Variants in ICA1L observed in about 807,000 individuals in gnomAD.
ICA1L encodes islet cell autoantigen 1 like, also known as islet cell autoantigen 1-like protein.
Under a neutral mutation model 61.3 loss-of-function variants are expected in ICA1L, and 50 were observed. That is an observed-to-expected ratio of 0.82 (90% CI 0.65 to 1.03). The LOEUF (loss-of-function observed/expected upper bound fraction) is 1.03, where lower values mean the gene tolerates loss of function less well. Ranked by LOEUF, ICA1L falls within the 50% of genes least tolerant of loss-of-function variation. The probability of loss-of-function intolerance (pLI) is 0.00; values close to 1 mark genes in which losing one functional copy is unlikely to be tolerated. For synonymous variants in ICA1L, 161 were observed against 191.3 expected, an observed-to-expected ratio of 0.84 and a Z score of 1.31; for missense variants, 508 against 556.7, an observed-to-expected ratio of 0.91 and a Z score of 0.88.
intron 6 of ICA1L, among the ~76,000 whole-genome samples, chr2:202,816,402 T>C (rs1693535894): frequency 6.6e-6 from 1 of 152,208 alleles, no homozygotes; most frequent in South Asian, 2.1e-4. Context: ...TGGGAATATA[T>C]AAAACTTTTT....
intron 1 of ICA1L, among the ~76,000 whole-genome samples, chr2:202,865,565 G>C (rs1304784714): frequency 1.3e-5 from 2 of 151,898 alleles, no homozygotes; most frequent in East Asian, 3.9e-4. Context: ...TATTGGGAAA[G>C]AGGCAAAGAT....
intron 2 of ICA1L, among the ~76,000 whole-genome samples, chr2:202,828,446 ATAAC>A (rs1693910839): frequency 6.6e-6 from 1 of 152,208 alleles, no homozygotes; most frequent in Non-Finnish European, 1.5e-5. Flanking sequence ...AATAGAAACA[ATAAC>A]TATTATCTTC....
chr2:202,819,321 A>G (rs937746310), intron 5 of ICA1L, among the ~76,000 whole-genome samples: 1 of 152,198 alleles, frequency 6.6e-6, no homozygotes, highest in Admixed American at 6.5e-5. Flanking sequence ...AATTTTGATA[A>G]CCTTCATATT....
chr2:202,782,967 C>G (rs1692459441), intron 12 of ICA1L, among the ~76,000 whole-genome samples: 1 of 152,092 alleles, frequency 6.6e-6, no homozygotes, highest in African/African-American at 2.4e-5. Context: ...TCTGAACCTG[C>G]CAGTGTGAAA....
At chr2:202,829,829 T>C (rs1693964557) in intron 1 of ICA1L, among the ~76,000 whole-genome samples, 1 of 152,198 alleles carries the variant, frequency 6.6e-6, no homozygotes, top group Non-Finnish European at 1.5e-5. Context: ...CTTTCTAAGT[T>C]TTGCTTTTGT....
At chr2:202,781,412 T>TAAA (rs1207188554) in intron 12 of ICA1L, among the ~76,000 whole-genome samples, 36 of 143,912 alleles carry the variant, frequency 2.5e-4, no homozygotes, top group Non-Finnish European at 4.4e-4. Flanking sequence ...TGTCTCTACT[T>TAAA]AAAAAAAAAA....
intron 1 of ICA1L, among the ~76,000 whole-genome samples, chr2:202,834,581 T>C (rs1694096557): frequency 6.6e-6 from 1 of 152,092 alleles, no homozygotes. Flanking sequence ...AGAGCCAGGA[T>C]TGTGCCACTG....
chr2:202,814,576 G>C lies in ICA1L; in HGVS notation c.866+126C>G, dbSNP rs1693476450. On this transcript the variant is annotated intron_variant, in intron 8 of 12. Transcript: ENST00000358299. Reference sequence around the variant, plus strand: ...AAACAGACTATGATACAAATGTTTAGTGTTGATTGGAAAAATGACATAGGA... The same window carrying C: ...AAACAGACTATGATACAAATGTTTACTGTTGATTGGAAAAATGACATAGGA... The C allele has an allele frequency of 9.0e-6, 6 of 663,136 alleles. No homozygotes were observed. The South Asian group carries it at 9.5e-5, about 11-fold the overall frequency. 41.1% of individuals were successfully genotyped at this position (663,136 alleles called of 1,614,324 possible).
At chr2:202,860,394 C>A (rs913368858) in intron 1 of ICA1L, 1 of 151,710 alleles carries the variant, frequency 6.6e-6, no homozygotes, top group South Asian at 2.1e-4. Context: ...CTATGTAACA[C>A]CATTAAAAAG....
intron 1 of ICA1L, among the ~76,000 whole-genome samples, chr2:202,838,435 T>C (rs981143499): frequency 6.6e-6 from 1 of 152,234 alleles, no homozygotes; most frequent in Non-Finnish European, 1.5e-5. Context: ...ATATATGTTA[T>C]ATCCATTTGG....
chr2:202,841,991 C>A (rs990404169), intron 1 of ICA1L, among the ~76,000 whole-genome samples: 1 of 151,800 alleles, frequency 6.6e-6, no homozygotes, highest in Non-Finnish European at 1.5e-5. Context: ...GCTGGGATTA[C>A]AGGCACCTAC....
At chr2:202,839,358 G>A (rs1029449236) in intron 1 of ICA1L, among the ~76,000 whole-genome samples, 2 of 152,016 alleles carry the variant, frequency 1.3e-5, no homozygotes, top group African/African-American at 4.8e-5. Flanking sequence ...AATTAGCTGA[G>A]TGTGGTGGCA....
rs1432899452 is a variant in ICA1L, at chr2:202,774,277, G to A, written c.*5256C>T. The A allele has an allele frequency of 3.2e-6, 5 of 1,541,410 alleles. No homozygotes were observed. Among genetic ancestry groups the A allele is most frequent in the African/African-American group, 2.8e-5 (2 of 72,430 alleles). On this transcript the variant is annotated 3_prime_UTR_variant, in exon 13 of 13. Coordinates refer to ENST00000358299, the MANE Select transcript of ICA1L (RefSeq NM_001288622.3). ...CGGCCAAAGGCCGTGACCCCGACGC[G>A]TGCAGGCACCTACGGGCGACCGCGG...
At chr2:202,850,352 G>A (rs1045727528) in intron 1 of ICA1L, among the ~76,000 whole-genome samples, 1 of 152,136 alleles carries the variant, frequency 6.6e-6, no homozygotes, top group Non-Finnish European at 1.5e-5. Context: ...AGCTAAAGGA[G>A]CATGTTCTAA....
At chr2:202,831,316 G>A (rs563411965) in intron 1 of ICA1L, among the ~76,000 whole-genome samples, 2 of 152,294 alleles carry the variant, frequency 1.3e-5, no homozygotes, top group East Asian at 3.9e-4. Context: ...TTTGATATAA[G>A]CATTATACTG....
chr2:202,814,460 C>T (rs72932765), intron 8 of ICA1L, among the ~76,000 whole-genome samples: 14,067 of 152,208 alleles, frequency 0.092, 777 homozygotes, highest in Non-Finnish European at 0.13. Context: ...ACCAGGGCCA[C>T]GCTCTTGAAC....
intron 8 of ICA1L, among the ~76,000 whole-genome samples, chr2:202,812,692 T>C (rs1445663322): frequency 1.3e-5 from 2 of 152,188 alleles, no homozygotes; most frequent in Non-Finnish European, 2.9e-5. Context: ...CTTAAAAATC[T>C]ATACAGTATT....
intron 1 of ICA1L, among the ~76,000 whole-genome samples, chr2:202,858,874 A>G (rs1419827384): frequency 2.6e-5 from 4 of 152,200 alleles, no homozygotes; most frequent in Non-Finnish European, 5.9e-5. Context: ...TCCACCATCT[A>G]GGTTTGTGTA....
At chr2:202,870,082 A>C (rs771233491) in intron 1 of ICA1L, among the ~76,000 whole-genome samples, 1 of 152,226 alleles carries the variant, frequency 6.6e-6, no homozygotes, top group Non-Finnish European at 1.5e-5. Context: ...GTGAGTACTG[A>C]AAAAGCTAAA....
Sources: allele counts gnomAD v4.1 joint callset (sites outside exome capture counted in the v4.1 genomes callset), GRCh38; gene constraint gnomAD v4.1.1; transcripts MANE v1.5; gene names NCBI Gene and HGNC (gene_info 2026-07-23, HGNC 2026-07-21).